The following AFF2 variants were observed in gnomAD, a reference collection of about 807,000 sequenced individuals.
AFF2 encodes the protein ALF transcription elongation factor 2, also known as AF4/FMR2 family member 2.
Under a neutral mutation model 76.9 loss-of-function variants are expected in AFF2, and 14 were observed. That is an observed-to-expected ratio of 0.18 (90% CI 0.12 to 0.28). The LOEUF (loss-of-function observed/expected upper bound fraction) is 0.28, where lower values mean the gene tolerates loss of function less well. Among genes scored for constraint, AFF2 ranks in the 10% least tolerant of loss-of-function variants. AFF2 has a pLI of 1.00. For missense variants in AFF2, 868 were observed against 1,001.1 expected, an observed-to-expected ratio of 0.87 and a Z score of 1.79; for synonymous variants, 398 against 366.7, an observed-to-expected ratio of 1.09 and a Z score of -0.98.
At chrX:148,668,814 C>T (rs1367486743) in intron 3 of AFF2, among the ~76,000 whole-genome samples, 2 of 112,345 alleles carry the variant, frequency 1.8e-5, no homozygotes, top group African/African-American at 6.5e-5. Context: ...GCCCTGGAGA[C>T]ATTTTCCCTA....
chrX:148,760,674 C>T (rs958467287), intron 3 of AFF2, among the ~76,000 whole-genome samples: 7 of 111,802 alleles, frequency 6.3e-5, no homozygotes, highest in East Asian at 2.8e-4. Flanking sequence ...TGGAAATTTC[C>T]GTTGTGTAAA....
At chrX:148,983,968 A>AAAAAAAAAAAAAC (rs1431816827) in intron 19 of AFF2, among the ~76,000 whole-genome samples, 2 of 103,450 alleles carry the variant, frequency 1.9e-5, no homozygotes, top group African/African-American at 7.0e-5. Context: ...AAAAAAAAAA[A>AAAAAAAAAAAAAC]CTGCCCTCAT....
At chrX:148,812,044 G>A (rs1557271837) in intron 4 of AFF2, among the ~76,000 whole-genome samples, 1 of 108,682 alleles carries the variant, frequency 9.2e-6, no homozygotes, top group African/African-American at 3.4e-5. Context: ...AAGAAAGAAT[G>A]TTTCATTCCC....
At chrX:148,602,670 A>G (rs1294331755) in intron 1 of AFF2, among the ~76,000 whole-genome samples, 9 of 111,083 alleles carry the variant, frequency 8.1e-5, no homozygotes, top group Non-Finnish European at 1.7e-4. Context: ...TTGGGGCCAT[A>G]TAACGAGAAG....
intron 1 of AFF2, among the ~76,000 whole-genome samples, chrX:148,527,053 TATTA>T (rs782721629): frequency 1.8e-5 from 2 of 112,159 alleles, no homozygotes; most frequent in African/African-American, 6.5e-5. Flanking sequence ...ACAAAATATT[TATTA>T]ATTGCAAGGG....
At chrX:148,514,589 C>G (rs2052516341) in intron 1 of AFF2, among the ~76,000 whole-genome samples, 1 of 112,369 alleles carries the variant, frequency 8.9e-6, no homozygotes, top group Non-Finnish European at 1.9e-5. Context: ...TGATGTTGAT[C>G]CTTTAACTAT....
intron 9 of AFF2, among the ~76,000 whole-genome samples, chrX:148,915,951 C>T (rs782161065): frequency 8.9e-6 from 1 of 111,894 alleles, no homozygotes; most frequent in South Asian, 3.7e-4. Context: ...TATTTCCAAA[C>T]ACTACAGAAA....
chrX:148,948,234 G>GA (rs781941632), intron 9 of AFF2, among the ~76,000 whole-genome samples: 3 of 112,362 alleles, frequency 2.7e-5, no homozygotes, highest in Non-Finnish European at 5.6e-5. Context: ...ATAGCCTACA[G>GA]AAGTGCAGTT....
intron 4 of AFF2, among the ~76,000 whole-genome samples, chrX:148,811,301 C>T (rs1557271788): frequency 9.0e-6 from 1 of 111,181 alleles, no homozygotes; most frequent in Non-Finnish European, 1.9e-5. Context: ...AAACCAGTGC[C>T]TGGTGTTAAA....
At chrX:148,600,648 C>G (rs1461179002) in intron 1 of AFF2, among the ~76,000 whole-genome samples, 1 of 111,362 alleles carries the variant, frequency 9.0e-6, no homozygotes, top group Non-Finnish European at 1.9e-5. Flanking sequence ...CAAAAGATAT[C>G]AGGTGTAGGA....
intron 9 of AFF2, among the ~76,000 whole-genome samples, chrX:148,950,700 G>A (rs1280287740): frequency 2.7e-5 from 3 of 112,070 alleles, no homozygotes; most frequent in African/African-American, 9.7e-5. Flanking sequence ...AAAATTCTTA[G>A]GATACATAAT....
intron 3 of AFF2, among the ~76,000 whole-genome samples, chrX:148,749,034 C>T (rs1264714814): frequency 9.0e-6 from 1 of 111,269 alleles, no homozygotes; most frequent in Non-Finnish European, 1.9e-5. Context: ...AAAATTTTCT[C>T]CCATTTTTAT....
chrX:148,529,268 A>G (rs1330489643), intron 1 of AFF2, among the ~76,000 whole-genome samples: 1 of 111,782 alleles, frequency 8.9e-6, no homozygotes, highest in Non-Finnish European at 1.9e-5. Context: ...GTGGACTGCC[A>G]TGCATGACCC....
chrX:148,772,207 G>A (rs961209903), intron 3 of AFF2, among the ~76,000 whole-genome samples: 1 of 112,153 alleles, frequency 8.9e-6, no homozygotes, highest in African/African-American at 3.2e-5. Context: ...GAACCAGACT[G>A]ACTTTTTTAG....
intron 1 of AFF2, among the ~76,000 whole-genome samples, chrX:148,584,786 G>A (rs930482451): frequency 1.1e-4 from 12 of 110,238 alleles, no homozygotes; most frequent in Non-Finnish European, 1.7e-4. Context: ...TGATCCGCCC[G>A]CCTCGGCCTC....
At chrX:148,694,902 G>A (rs781885882) in intron 3 of AFF2, among the ~76,000 whole-genome samples, 65 of 98,250 alleles carry the variant, frequency 6.6e-4, no homozygotes, top group Middle Eastern at 0.013. Context: ...TGCAACCTCC[G>A]TCTCCCGGGT....
intron 3 of AFF2, among the ~76,000 whole-genome samples, chrX:148,795,637 C>G (rs2069957138): frequency 1.0e-5 from 1 of 100,223 alleles, no homozygotes; most frequent in Non-Finnish European, 2.0e-5. Context: ...CCTGACTCTA[C>G]TAATAATACA....
chrX:148,856,497 C>T (rs1456820797), intron 7 of AFF2, among the ~76,000 whole-genome samples: 1 of 111,279 alleles, frequency 9.0e-6, no homozygotes, highest in Non-Finnish European at 1.9e-5. Flanking sequence ...CCCTGGCCCT[C>T]CTGCCTACCC....
intron 3 of AFF2, among the ~76,000 whole-genome samples, chrX:148,696,271 G>T (rs2054720658): frequency 9.2e-6 from 1 of 108,359 alleles, no homozygotes; most frequent in South Asian, 4.2e-4. Flanking sequence ...GACACAGGAA[G>T]GGGAGCATCA....
Sources: gnomAD v4.1 joint callset for allele counts (sites outside exome capture counted in the v4.1 genomes callset) on GRCh38, gnomAD v4.1.1 for gene constraint, MANE v1.5 for transcripts, NCBI Gene and HGNC (gene_info 2026-07-23, HGNC 2026-07-21) for gene names.